The following DEFB124 variants were observed in gnomAD, a reference collection of about 807,000 sequenced individuals.
The protein encoded by DEFB124 is defensin beta 124, also known as beta-defensin 124.
For missense variants in DEFB124, 78 were observed against 83.1 expected (o/e 0.94, Z 0.24); for synonymous variants, 38 against 36.5 (o/e 1.04, Z -0.15).
chr20:31,470,893 C>T (rs1215511796), intron 2 of DEFB124, among the ~76,000 whole-genome samples: 1 of 143,260 alleles, frequency 7.0e-6, no homozygotes, highest in African/African-American at 2.6e-5. Flanking sequence ...GAGCCCCCCA[C>T]CTCCCTCCCG....
At chr20:31,471,522 C>G (rs1374885956) in intron 2 of DEFB124, among the ~76,000 whole-genome samples, 1 of 142,334 alleles carries the variant, frequency 7.0e-6, no homozygotes, top group Non-Finnish European at 1.5e-5. Context: ...CCGGACGGGG[C>G]GGCTGGCCGG....
At chr20:31,468,295 C>T (rs1181473534) in intron 2 of DEFB124, among the ~76,000 whole-genome samples, 1 of 152,146 alleles carries the variant, frequency 6.6e-6, no homozygotes, top group Non-Finnish European at 1.5e-5. Context: ...ACGATCTTTC[C>T]TCGTATTTTC....
At chr20:31,471,861 C>T (rs1980327740) in intron 2 of DEFB124, among the ~76,000 whole-genome samples, 1 of 149,954 alleles carries the variant, frequency 6.7e-6, no homozygotes. Flanking sequence ...CGGGAAGAGG[C>T]GCTCCTCACT....
chr20:31,474,185 G>T (rs1031866351), intron 1 of DEFB124, among the ~76,000 whole-genome samples: 2 of 152,156 alleles, frequency 1.3e-5, no homozygotes, highest in African/African-American at 4.8e-5. Context: ...TAAAGAAACT[G>T]AAACCCAAAG....
At chr20:31,468,898 G>C (rs1422960770) in intron 2 of DEFB124, among the ~76,000 whole-genome samples, 1 of 151,942 alleles carries the variant, frequency 6.6e-6, no homozygotes. Flanking sequence ...GATTGCTTGA[G>C]GCCAAGAGTT....
intron 2 of DEFB124, among the ~76,000 whole-genome samples, chr20:31,470,744 A>C (rs1293498136): frequency 5.8e-3 from 425 of 72,930 alleles, no homozygotes; most frequent in Middle Eastern, 0.013. Context: ...GTGGCTGGCC[A>C]GGCAGAGGGG....
chr20:31,465,812 G>T, intron 2 of DEFB124, 149 bp from the exon 3 acceptor site: 1 of 957,314 alleles, frequency 1.0e-6, no homozygotes, highest in Non-Finnish European at 1.6e-6. Context: ...TGAGAGTACT[G>T]ATTACAAGTT....
intron 2 of DEFB124, among the ~76,000 whole-genome samples, chr20:31,470,606 AC>A (rs746201611): frequency 0.45 from 10,715 of 24,058 alleles, 2,424 homozygotes; most frequent in African/African-American, 0.68. Context: ...CGGGGGGCTG[AC>A]CCCCCCCCCC....
chr20:31,472,372 C>G (rs979047690), intron 2 of DEFB124, among the ~76,000 whole-genome samples: 58 of 146,150 alleles, frequency 4.0e-4, no homozygotes, highest in African/African-American at 1.3e-3. Flanking sequence ...AGCTTCGGCT[C>G]GGCATCAGAG....
chr20:31,465,522 T>C lies in DEFB124; in HGVS notation c.200A>G (p.Lys67Arg). The C allele has an allele frequency of 6.2e-7, 1 of 1,614,162 alleles. No individual in the cohort carries two copies. The change falls in exon 3 of 3, where the codon AAG becomes AGG. Residue 67 changes from lysine (K) to arginine (R), a missense_variant. By Grantham distance (26) the Lys-to-Arg change is conservative (BLOSUM62 2). Coordinates refer to ENST00000317676, the MANE Select transcript of DEFB124 (RefSeq NM_001037500.2). ...AGGAACCAGCTACTCATATTCATGC[T>C]TGGGGACCGGTGGAGGTTTCAATGC... is the stretch of plus-strand genomic sequence containing the variant. ...SYALKPPPVP[K>R]HEYE
At chr20:31,467,655 A>T (rs1980115186) in intron 2 of DEFB124, among the ~76,000 whole-genome samples, 1 of 152,222 alleles carries the variant, frequency 6.6e-6, no homozygotes, top group African/African-American at 2.4e-5. Flanking sequence ...ACTCACCAGT[A>T]AAGAGAGGAA....
At chr20:31,469,776 G>C (rs1295411054) in intron 2 of DEFB124, among the ~76,000 whole-genome samples, 1 of 149,878 alleles carries the variant, frequency 6.7e-6, no homozygotes, top group Non-Finnish European at 1.5e-5. Context: ...TAAGGTCACC[G>C]ATCGACAGGA....
chr20:31,470,596 C>T (rs866986342), intron 2 of DEFB124, among the ~76,000 whole-genome samples: 151 of 101,514 alleles, frequency 1.5e-3, no homozygotes, highest in African/African-American at 6.8e-3. Context: ...GCTGGCCGGG[C>T]GGGGGGCTGA....
At chr20:31,473,225 C>T (rs1465249963) in intron 1 of DEFB124, among the ~76,000 whole-genome samples, 187 bp from the exon 2 acceptor site, 1 of 152,134 alleles carries the variant, frequency 6.6e-6, no homozygotes, top group Non-Finnish European at 1.5e-5. Context: ...CCACACCCTC[C>T]GGAGCCTGTT....
At chr20:31,466,623 A>ATATATATAT (rs1274120880) in intron 2 of DEFB124, among the ~76,000 whole-genome samples, 7 of 147,952 alleles carry the variant, frequency 4.7e-5, no homozygotes, top group Admixed American at 2.0e-4. Flanking sequence ...ATATATATAT[A>ATATATATAT]AAACCTTATC....
chr20:31,474,567 T>C (rs1294953351), intron 1 of DEFB124, among the ~76,000 whole-genome samples, 60 bp downstream of exon 1: 1 of 152,206 alleles, frequency 6.6e-6, no homozygotes, highest in Non-Finnish European at 1.5e-5. Flanking sequence ...TCAAAGAGTC[T>C]GGATCCTGGC....
intron 2 of DEFB124, among the ~76,000 whole-genome samples, chr20:31,466,606 A>AATATATATATGTATATATATATATAT (rs1980088493): frequency 8.3e-6 from 1 of 120,492 alleles, no homozygotes; most frequent in African/African-American, 4.1e-5. Flanking sequence ...TCTCAAAAAG[A>AATATATATATGTATATATATATATAT]ATATATATAT....
At chr20:31,468,740 G>T (rs1047661719) in intron 2 of DEFB124, among the ~76,000 whole-genome samples, 6 of 152,026 alleles carry the variant, frequency 3.9e-5, no homozygotes, top group African/African-American at 1.4e-4. Flanking sequence ...CTCCCAAAGT[G>T]CTGGGATTAC....
intron 1 of DEFB124, among the ~76,000 whole-genome samples, 105 bp downstream of exon 1, chr20:31,474,522 C>G (rs1485438504): frequency 6.6e-6 from 1 of 152,208 alleles, no homozygotes; most frequent in East Asian, 1.9e-4. Flanking sequence ...ACAGACACAC[C>G]CCAATTTCTC....
Sources: allele counts gnomAD v4.1 joint callset (sites outside exome capture counted in the v4.1 genomes callset), GRCh38; gene constraint gnomAD v4.1.1; transcripts MANE v1.5; gene names NCBI Gene and HGNC (gene_info 2026-07-23, HGNC 2026-07-21).